The following PRX variants were observed in gnomAD, a reference collection of about 807,000 sequenced individuals.
PRX encodes periaxin.
PRX carries 24 observed loss-of-function variants against 29.6 expected under a neutral mutation model. The observed-to-expected ratio is 0.81, with a 90% confidence interval of 0.59 to 1.14. The LOEUF (loss-of-function observed/expected upper bound fraction) is 1.14. PRX is among the 50% of genes most tolerant of loss of function. The probability of loss-of-function intolerance (pLI) is 0.00; values close to 1 mark genes in which losing one functional copy is unlikely to be tolerated. For synonymous variants in PRX, 772 were observed against 831.7 expected, an observed-to-expected ratio of 0.93 and a Z score of 1.24; for missense variants, 1,838 against 1,926.4, an observed-to-expected ratio of 0.95 and a Z score of 0.86.
At chr19:40,414,754 C>T (rs2079573567), upstream of PRX, among the ~76,000 whole-genome samples, 1 of 152,176 alleles carries the variant, frequency 6.6e-6, no homozygotes, top group South Asian at 2.1e-4. Flanking sequence ...CCACTTGAAC[C>T]CACCCGGCTG....
At position 40,395,622 on chromosome 19, in the gene PRX, G is replaced by C. The variant is rs878855283; in HGVS notation, c.2730C>G (p.Ala910=). Residue 910 remains alanine (A), a synonymous_variant, in exon 7 of 7, where the codon GCC becomes GCG. Coordinates refer to ENST00000324001, the MANE Select transcript of PRX (RefSeq NM_181882.3). ...CCAGCCGCCCTTCCTCAATTTCCACGGCGGGCAGCTGTGGGGTGACAATTT... is the reference window on the plus strand; with the variant it reads ...CCAGCCGCCCTTCCTCAATTTCCACCGCGGGCAGCTGTGGGGTGACAATTT... ...SVEIVTPQLP[A]VEIEEGRLEM... is the part of the protein sequence containing the mutation. 1 of 1,614,132 alleles carries C rather than the reference G, an allele frequency of 6.2e-7. No homozygotes were observed. The highest frequency in any genetic ancestry group is 8.5e-7 in the Non-Finnish European group (1 of 1,180,012).
rs777695738 is a variant in PRX at position 40,395,355 on chromosome 19, A to G, written c.2997T>C (p.Asp999=). The change falls in exon 7 of 7, where the codon GAT becomes GAC. Residue 999 remains aspartate, a synonymous_variant. Transcript: ENST00000324001. ...LDLSIPQLSL[D]AHLPSGKVEV... ...CTACCTTGCCTGAGGGCAGGTGGGC[A>G]TCCAGGCTGAGCTGTGGGATGGACA... 7 of 1,613,616 alleles carry G rather than the reference A, an allele frequency of 4.3e-6. No individual in the cohort carries two copies. In the South Asian group the frequency reaches 6.6e-5, roughly 15 times the overall value.
chr19:40,396,021 G>A lies in PRX; in HGVS notation c.2331C>T (p.Pro777=). Residue 777 remains proline, a synonymous_variant, in exon 7 of 7, where the codon CCC becomes CCT. Transcript: ENST00000324001. ...CCTTTAGCTGCACCTCCGGAGCCCT[G>A]GGCAGCTTCACCTCTGGTGCCTTCG... The part of the protein sequence containing the change: ...HLPKAPEVKL[P]RAPEVQLKAT... The A allele has an allele frequency of 6.2e-7, 1 of 1,613,998 alleles. No homozygotes were observed.
Position 40,397,950 on chromosome 19 carries a change from AG to A in PRX, c.401del (p.Pro134LeufsTer2). ...VAKLNIQSLS[P>X]VKKKKMVPGA... ...CAGGCACCATCTTCTTCTTCTTCACAGGGGACAGACTCTGGATGTTCTGGGG... is the reference window on the plus strand; with the variant it reads ...CAGGCACCATCTTCTTCTTCTTCACAGGGACAGACTCTGGATGTTCTGGGG... On this transcript the variant is annotated frameshift_variant, in exon 7 of 7. Coordinates refer to ENST00000324001, the MANE Select transcript of PRX (RefSeq NM_181882.3). LOFTEE classifies it low-confidence loss of function (END_TRUNC). The A allele has an allele frequency of 6.2e-7, 1 of 1,611,562 alleles. No individual in the cohort carries two copies. Among genetic ancestry groups the A allele is most frequent in the Non-Finnish European group, 8.5e-7 (1 of 1,179,034 alleles).
Position 40,394,687 on chromosome 19 carries a change from T to C in PRX, c.3665A>G (p.Glu1222Gly). The change falls in exon 7 of 7, where the codon GAG (glutamate) becomes GGG (glycine). Residue 1222 changes from glutamate to glycine, a missense_variant. Physicochemically the swap from Glu to Gly is moderately conservative, Grantham distance 98. This residue lies in a region of PRX where 1,143 missense variants were observed against 1,193.0 expected (regional missense o/e 0.96). Transcript: ENST00000324001. The surrounding 1 kb of genome is among the most constrained non-coding windows in gnomAD (Gnocchi z 5.8). ...CTCTCGGCTTAGCCCCACGTCCAGC[T>C]CAAGCTGGGGCACTGTCACGGTGGG... is the stretch of plus-strand genomic sequence containing the variant. ...KMPTVTVPQL[E>G]LDVGLSREAQ... 6.2e-7 allele frequency: 1 copy of C among 1,610,098 alleles called. No individual in the cohort carries two copies. Among genetic ancestry groups the C allele is most frequent in the Non-Finnish European group, 8.5e-7 (1 of 1,179,874 alleles).
chr19:40,393,958 T>C lies in PRX; in HGVS notation c.*8A>G. On this transcript the variant is annotated 3_prime_UTR_variant, in exon 7 of 7. Coordinates refer to ENST00000324001, the MANE Select transcript of PRX (RefSeq NM_181882.3). Reference sequence around the variant, plus strand: ...AGGCAAGAAGGGATCCCCATCTGACTAGGGGCTTCAGACAGCCGCAGCCTG... The same window carrying C: ...AGGCAAGAAGGGATCCCCATCTGACCAGGGGCTTCAGACAGCCGCAGCCTG... The C allele has an allele frequency of 6.2e-7, 1 of 1,610,958 alleles. No individual in the cohort carries two copies. The highest frequency in any genetic ancestry group is 8.5e-7 in the Non-Finnish European group (1 of 1,179,756).
upstream of PRX, among the ~76,000 whole-genome samples, chr19:40,413,584 C>T (rs2079569250): frequency 6.6e-6 from 1 of 152,210 alleles, no homozygotes; most frequent in Non-Finnish European, 1.5e-5. Context: ...GGGCCGAGAT[C>T]TCTGCCATGA....
At position 40,398,916 on chromosome 19, in the gene PRX, C is replaced by G; in HGVS notation, c.185-100G>C. On this transcript the variant is annotated intron_variant, in intron 5 of 6. Transcript: ENST00000324001. This position sits in a 1 kb window ranked among gnomAD's most constrained non-coding sequence, Gnocchi z 6.3. ...CGGAGCCCTCGCGGTGAGGACCCGC[C>G]CCAAATTTTAGTTTCTCCAATCCCC... The G allele has an allele frequency of 6.4e-7, 1 of 1,572,872 alleles. No individual in the cohort carries two copies. Among genetic ancestry groups the G allele is most frequent in the Non-Finnish European group, 8.6e-7 (1 of 1,159,488 alleles).
At position 40,394,461 on chromosome 19, in the gene PRX, C is replaced by T. The variant is rs775809057; in HGVS notation, c.3891G>A (p.Glu1297=). ...CCTTGAGCTTGTGTCCGGCCTCTCC[C>T]TCCCCCTCTGCCACCTGGTACTCGG... ...NHAEYQVAEG[E]GEAGHKLKVR... is the part of the protein sequence containing the mutation. Residue 1297 remains glutamate, a synonymous_variant, in exon 7 of 7, where the codon GAG becomes GAA. Transcript: ENST00000324001. This position sits in a 1 kb window ranked among gnomAD's most constrained non-coding sequence, Gnocchi z 5.8. 28 of 1,601,534 alleles carry T rather than the reference C, an allele frequency of 1.7e-5. No individual in the cohort carries two copies. In the Admixed American group the frequency reaches 3.9e-4, roughly 22 times the overall value.
At chr19:40,403,664 C>G (rs778436254) in intron 5 of PRX, 42 bp downstream of exon 5, 2 of 1,520,686 alleles carry the variant, frequency 1.3e-6, no homozygotes, top group Admixed American at 4.0e-5. Context: ...CCTAACCCCG[C>G]CCCCGCAGTT....
intron 1 of PRX, among the ~76,000 whole-genome samples, chr19:40,410,858 G>A (rs948162778): frequency 1.3e-5 from 2 of 152,100 alleles, no homozygotes; most frequent in Admixed American, 6.5e-5. Context: ...GCGATAGAGC[G>A]AGACTCCATC....
chr19:40,398,234 A>G lies in PRX; in HGVS notation c.382-264T>C. 7.1e-7 allele frequency: 1 copy of G among 1,415,118 alleles called. No individual in the cohort carries two copies. Among genetic ancestry groups the G allele is most frequent in the South Asian group, 1.6e-5 (1 of 62,208 alleles). The allele number at this position is 1,415,118 out of a possible 1,614,324, so 87.7% of individuals were successfully genotyped here. Reference sequence around the variant, plus strand: ...AGATCCTGATCCGGGATTTTCCCCAACATCCTCATTCTAGAGATGGGGAAA... The same window carrying G: ...AGATCCTGATCCGGGATTTTCCCCAGCATCCTCATTCTAGAGATGGGGAAA... On this transcript the variant is annotated intron_variant, in intron 6 of 6. Transcript: ENST00000324001. This position sits in a 1 kb window ranked among gnomAD's most constrained non-coding sequence, Gnocchi z 6.3.
At chr19:40,401,298 T>G (rs964234014) in intron 5 of PRX, among the ~76,000 whole-genome samples, 4 of 149,100 alleles carry the variant, frequency 2.7e-5, no homozygotes, top group Non-Finnish European at 6.0e-5. Context: ...TTGTTGTTGT[T>G]GGCCTTGTTT....
At position 40,395,266 on chromosome 19, in the gene PRX, C is replaced by G; in HGVS notation, c.3086G>C (p.Arg1029Thr). Residue 1029 changes from arginine (R) to threonine (T), a missense_variant, in exon 7 of 7, where the codon AGA becomes ACA. Physicochemically the swap from Arg to Thr is moderately conservative, Grantham distance 71. Coordinates refer to ENST00000324001, the MANE Select transcript of PRX (RefSeq NM_181882.3). ...TTCTGCTGCCTCAGTGTCCCGGCCT[C>G]TGACCCCAAACTTGGGGAGAGCAAA... ...PRFALPKFGVRGRDTEAAELV... is the reference protein window; with the variant it reads ...PRFALPKFGVTGRDTEAAELV... 6.2e-7 allele frequency: 1 copy of G among 1,613,956 alleles called. No individual in the cohort carries two copies. Among genetic ancestry groups the G allele is most frequent in the Non-Finnish European group, 8.5e-7 (1 of 1,180,022 alleles).
At chr19:40,406,202 G>A (rs111406226) in intron 4 of PRX, among the ~76,000 whole-genome samples, 18 of 147,816 alleles carry the variant, frequency 1.2e-4, no homozygotes, top group South Asian at 2.1e-4. Context: ...AGCTGAGATC[G>A]CACCACTGCA....
At chr19:40,405,972 C>T (rs373092529) in intron 4 of PRX, among the ~76,000 whole-genome samples, 4 of 151,142 alleles carry the variant, frequency 2.6e-5, no homozygotes, top group East Asian at 2.0e-4. Context: ...TCAGGCCAGG[C>T]GCGGTAGCTC....
chr19:40,395,443 C>G lies in PRX; in HGVS notation c.2909G>C (p.Arg970Pro), dbSNP rs764162630. The change falls in exon 7 of 7, where the codon CGG (arginine) becomes CCG (proline). Residue 970 changes from arginine (R) to proline (P), a missense_variant. Transcript: ENST00000324001. ...SKFAISLPKA[R>P]VGAEAEAKGA... Reference sequence around the variant, plus strand: ...TTTGGCCTCAGCCTCAGCCCCCACCCGAGCCTTGGGGAGTGAGATGGCAAA... The same window carrying G: ...TTTGGCCTCAGCCTCAGCCCCCACCGGAGCCTTGGGGAGTGAGATGGCAAA... The G allele has an allele frequency of 1.2e-6, 2 of 1,613,940 alleles. No homozygotes were observed. Among genetic ancestry groups the G allele is most frequent in the African/African-American group, 1.3e-5 (1 of 74,888 alleles).
At chr19:40,409,848 C>T (rs2079550708) in intron 1 of PRX, among the ~76,000 whole-genome samples, 1 of 152,124 alleles carries the variant, frequency 6.6e-6, no homozygotes, top group Non-Finnish European at 1.5e-5. Flanking sequence ...TGCACATGGC[C>T]CTCAGCACAG....
Position 40,393,952 on chromosome 19 carries a change from T to C in PRX, c.*14A>G. 2 of 1,609,890 alleles carry C rather than the reference T, an allele frequency of 1.2e-6. No individual in the cohort carries two copies. Among genetic ancestry groups the C allele is most frequent in the African/African-American group, 1.3e-5 (1 of 75,004 alleles). On this transcript the variant is annotated 3_prime_UTR_variant, in exon 7 of 7. Coordinates refer to ENST00000324001, the MANE Select transcript of PRX (RefSeq NM_181882.3). ...AAAGGAAGGCAAGAAGGGATCCCCA[T>C]CTGACTAGGGGCTTCAGACAGCCGC...
Sources: allele counts gnomAD v4.1 joint callset (sites outside exome capture counted in the v4.1 genomes callset), GRCh38; gene constraint gnomAD v4.1.1; regional missense constraint gnomAD v4.1.1; non-coding constraint Gnocchi (gnomAD v3.1); transcripts MANE v1.5; gene names NCBI Gene and HGNC (gene_info 2026-07-23, HGNC 2026-07-21).